Variants in OSBPL10 observed in about 807,000 individuals in gnomAD.
OSBPL10 encodes oxysterol binding protein like 10, also known as oxysterol-binding protein-related protein 10.
In OSBPL10, 49 loss-of-function variants were observed where a neutral mutation model predicts 81.7. That is an observed-to-expected ratio of 0.60 (90% CI 0.48 to 0.76). OSBPL10 has a LOEUF of 0.76. Ranked by LOEUF, OSBPL10 falls within the 30% of genes least tolerant of loss-of-function variation. The pLI is 0.00. For synonymous variants in OSBPL10, 419 were observed against 383.6 expected, an observed-to-expected ratio of 1.09 and a Z score of -1.08; for missense variants, 923 against 987.8, an observed-to-expected ratio of 0.93 and a Z score of 0.88.
chr3:31,887,030 A>G (rs1695756356), intron 1 of OSBPL10, among the ~76,000 whole-genome samples: 1 of 151,946 alleles, frequency 6.6e-6, no homozygotes, highest in Admixed American at 6.6e-5. Flanking sequence ...CGAACACACT[A>G]ATGGCAGAGA....
At chr3:31,919,975 C>A (rs572978805) in intron 1 of OSBPL10, among the ~76,000 whole-genome samples, 12 of 152,174 alleles carry the variant, frequency 7.9e-5, no homozygotes, top group Non-Finnish European at 1.6e-4. Flanking sequence ...AAGAGAAGTC[C>A]AACTTTCTGT....
At chr3:31,858,344 T>A in intron 3 of OSBPL10, among the ~76,000 whole-genome samples, 1 of 152,052 alleles carries the variant, frequency 6.6e-6, no homozygotes, top group East Asian at 1.9e-4. Flanking sequence ...TAAATTAAAT[T>A]TCTCTTTTAT....
intron 5 of OSBPL10, among the ~76,000 whole-genome samples, chr3:31,744,904 C>T (rs62244779): frequency 0.063 from 9,581 of 152,048 alleles, 411 homozygotes; most frequent in Non-Finnish European, 0.091. Flanking sequence ...ATTCTCGGAA[C>T]GAGCCTATTA....
At chr3:31,796,823 C>CA (rs1699225737) in intron 4 of OSBPL10, among the ~76,000 whole-genome samples, 2 of 152,074 alleles carry the variant, frequency 1.3e-5, no homozygotes, top group South Asian at 4.1e-4. Flanking sequence ...TAGGCTTCCC[C>CA]ACACAGGAAG....
chr3:31,856,722 G>C (rs1292081525), intron 3 of OSBPL10, among the ~76,000 whole-genome samples: 1 of 152,214 alleles, frequency 6.6e-6, no homozygotes, highest in Non-Finnish European at 1.5e-5. Flanking sequence ...TATCAGGCTA[G>C]TGTATTGTTC....
Position 31,660,852 on chromosome 3 carries a change from A to T in OSBPL10, c.*1220T>A, listed in dbSNP as rs1449051614. 6.5e-6 allele frequency: 1 copy of T among 152,688 alleles called. No individual in the cohort carries two copies. Among genetic ancestry groups the T allele is most frequent in the African/African-American group, 2.4e-5 (1 of 41,466 alleles). The allele number at this position is 152,688 out of a possible 1,614,324, so 9.5% of individuals were successfully genotyped here. On this transcript the variant is annotated 3_prime_UTR_variant, in exon 12 of 12. Transcript: ENST00000396556. ...TATTCAATCGAAATATATTTGTCTAATATCTACAAAGTGTGAACAACTGGT... is the reference window on the plus strand; with the variant it reads ...TATTCAATCGAAATATATTTGTCTATTATCTACAAAGTGTGAACAACTGGT...
chr3:31,941,600 T>C (rs972991437), intron 1 of OSBPL10, among the ~76,000 whole-genome samples: 6 of 152,206 alleles, frequency 3.9e-5, no homozygotes, highest in Non-Finnish European at 8.8e-5. Flanking sequence ...CCAAGATCCC[T>C]GCTGACCCCA....
intron 7 of OSBPL10, among the ~76,000 whole-genome samples, chr3:31,686,890 T>C (rs769959698): frequency 1.3e-5 from 2 of 152,158 alleles, no homozygotes; most frequent in Non-Finnish European, 2.9e-5. Flanking sequence ...TCCCACCACT[T>C]AGCTGTCCAA....
intron 2 of OSBPL10, among the ~76,000 whole-genome samples, chr3:31,994,807 T>A (rs1488945885): frequency 6.6e-6 from 1 of 152,154 alleles, no homozygotes; most frequent in East Asian, 1.9e-4. Context: ...AATACCCCAG[T>A]ATCAGGGGAA....
chr3:31,787,193 C>T (rs541760235), intron 4 of OSBPL10, among the ~76,000 whole-genome samples: 1 of 152,260 alleles, frequency 6.6e-6, no homozygotes, highest in Admixed American at 6.5e-5. Context: ...ACAAGGAATT[C>T]GGTTTGCCAA....
intron 1 of OSBPL10, among the ~76,000 whole-genome samples, chr3:32,068,559 T>C (rs1699800118): frequency 6.6e-6 from 1 of 152,194 alleles, no homozygotes; most frequent in Admixed American, 6.5e-5. Context: ...ACCTAAAATC[T>C]AAGCATCTTA....
intron 1 of OSBPL10, among the ~76,000 whole-genome samples, chr3:32,060,987 A>G (rs139754896): frequency 5.2e-5 from 4 of 77,486 alleles, no homozygotes; most frequent in East Asian, 3.0e-4. Flanking sequence ...AAAAAAAAAA[A>G]AACCCTCAGA....
At chr3:31,752,682 C>A (rs1261521492) in intron 4 of OSBPL10, among the ~76,000 whole-genome samples, 1 of 152,146 alleles carries the variant, frequency 6.6e-6, no homozygotes, top group Non-Finnish European at 1.5e-5. Context: ...TCTAGCTCAA[C>A]AAGTTTAAAT....
chr3:31,977,182 C>G (rs1698716670), intron 1 of OSBPL10, among the ~76,000 whole-genome samples: 1 of 152,130 alleles, frequency 6.6e-6, no homozygotes, highest in African/African-American at 2.4e-5. Context: ...TCTCAACCTC[C>G]CAGCCTCTCA....
chr3:31,892,979 C>T (rs1036707855), intron 1 of OSBPL10, among the ~76,000 whole-genome samples: 7 of 152,234 alleles, frequency 4.6e-5, no homozygotes, highest in African/African-American at 1.7e-4. Flanking sequence ...AGCAGGCCCA[C>T]GGCACCCATA....
intron 4 of OSBPL10, among the ~76,000 whole-genome samples, chr3:31,792,097 C>T (rs976713960): frequency 2.0e-5 from 3 of 151,816 alleles, no homozygotes; most frequent in Admixed American, 6.6e-5. Flanking sequence ...GGTGTGGTGG[C>T]GCACATCTGC....
intron 4 of OSBPL10, among the ~76,000 whole-genome samples, chr3:31,813,585 G>A (rs1460983233): frequency 1.3e-5 from 2 of 152,168 alleles, no homozygotes; most frequent in African/African-American, 4.8e-5. Context: ...AAATATCTGT[G>A]GCTAATGCTG....
rs554735865 is a variant in OSBPL10 at position 31,697,713 on chromosome 3, G to C, written c.1245+4646C>G. ...TATCTTCGATGCACATCCAGAATCA[G>C]CCACTAGCACTGTGCCACCAGCACC... On this transcript the variant is annotated intron_variant, in intron 7 of 11. Transcript: ENST00000396556. 9.2e-5 allele frequency among the ~76,000 whole-genome samples: 14 copies of C among 151,810 alleles called. 1 individual carries two copies. In the South Asian group the frequency reaches 2.9e-3, roughly 32 times the overall value.
chr3:31,706,841 A>G (rs1176365117), intron 6 of OSBPL10, among the ~76,000 whole-genome samples: 3 of 152,026 alleles, frequency 2.0e-5, no homozygotes, highest in African/African-American at 7.2e-5. Context: ...TGCAGAGTCC[A>G]CTCATTTCCC....
Sources: gnomAD v4.1 joint callset for allele counts (sites outside exome capture counted in the v4.1 genomes callset) on GRCh38, gnomAD v4.1.1 for gene constraint, MANE v1.5 for transcripts, NCBI Gene and HGNC (gene_info 2026-07-23, HGNC 2026-07-21) for gene names.